CTNNA3: variants seen among roughly 807,000 people sequenced by gnomAD.
CTNNA3 encodes catenin alpha-3.
In CTNNA3, 76 loss-of-function variants were observed where a neutral mutation model predicts 95.7. The observed-to-expected ratio is 0.79, with a 90% CI of 0.66 to 0.96. The LOEUF is 0.96. Among genes scored for constraint, CTNNA3 ranks in the 40% least tolerant of loss-of-function variants. The probability of loss-of-function intolerance (pLI) is 0.00; values close to 1 mark genes in which losing one functional copy is unlikely to be tolerated. For missense variants in CTNNA3, 1,191 were observed against 1,089.8 expected (o/e 1.09, Z -1.31); for synonymous variants, 431 against 374.4 (o/e 1.15, Z -1.74).
intron 7 of CTNNA3, among the ~76,000 whole-genome samples, chr10:66,841,180 A>G (rs1349875955): frequency 6.6e-6 from 1 of 151,978 alleles, no homozygotes; most frequent in East Asian, 1.9e-4. Flanking sequence ...GGGCACCTCT[A>G]CTCTCCTAAG....
chr10:65,932,042 C>T lies in CTNNA3; in HGVS notation c.2401-11425G>A, dbSNP rs545953020. 3.3e-5 allele frequency among the ~76,000 whole-genome samples: 5 copies of T among 152,194 alleles called. No homozygotes were observed. In the South Asian group the frequency reaches 1.0e-3, roughly 32 times the overall value. ...AAGTTCTCAAGGTTACGTGGATGACCATGTAGGTGAGAGGGTGTGTGTAAG... is the reference window on the plus strand; with the variant it reads ...AAGTTCTCAAGGTTACGTGGATGACTATGTAGGTGAGAGGGTGTGTGTAAG... On this transcript the variant is annotated intron_variant, in intron 17 of 17. Coordinates refer to ENST00000433211, the MANE Select transcript of CTNNA3 (RefSeq NM_013266.4).
intron 7 of CTNNA3, among the ~76,000 whole-genome samples, chr10:66,860,147 C>A (rs1289363669): frequency 1.3e-5 from 2 of 150,324 alleles, no homozygotes; most frequent in Non-Finnish European, 3.0e-5. Context: ...GCACATGTAC[C>A]CTAAAACTTT....
At chr10:66,101,266 A>C (rs2133736570) in intron 14 of CTNNA3, among the ~76,000 whole-genome samples, 1 of 152,320 alleles carries the variant, frequency 6.6e-6, no homozygotes, top group East Asian at 1.9e-4. Flanking sequence ...TGGCTAGTAG[A>C]GGGCTGACAA....
At chr10:66,465,131 C>T (rs1454327448) in intron 11 of CTNNA3, among the ~76,000 whole-genome samples, 2 of 152,090 alleles carry the variant, frequency 1.3e-5, no homozygotes, top group East Asian at 1.9e-4. Flanking sequence ...CTGTTAGAAG[C>T]TAACAAAATG....
At chr10:66,957,236 G>A (rs181893219) in intron 7 of CTNNA3, among the ~76,000 whole-genome samples, 15 of 151,980 alleles carry the variant, frequency 9.9e-5, no homozygotes, top group Non-Finnish European at 1.3e-4. Flanking sequence ...TAAATCAAAA[G>A]AAGTGAGATG....
intron 14 of CTNNA3, among the ~76,000 whole-genome samples, chr10:66,071,943 T>C (rs1426467380): frequency 6.6e-6 from 1 of 152,202 alleles, no homozygotes; most frequent in East Asian, 1.9e-4. Context: ...ATAGATTTCA[T>C]TTACTAATTT....
chr10:67,517,930 T>C (rs1047762619), intron 5 of CTNNA3, among the ~76,000 whole-genome samples: 4 of 152,122 alleles, frequency 2.6e-5, no homozygotes, highest in African/African-American at 9.7e-5. Flanking sequence ...TTACAACCTA[T>C]TTAAGAAAAT....
chr10:66,000,265 C>T (rs2078744795), intron 15 of CTNNA3, among the ~76,000 whole-genome samples: 1 of 152,064 alleles, frequency 6.6e-6, no homozygotes, highest in Non-Finnish European at 1.5e-5. Flanking sequence ...CCTTGACTCT[C>T]TTTCCTATCC....
chr10:67,153,196 G>A lies in CTNNA3; in HGVS notation c.1047+27121C>T, dbSNP rs151218079. The stretch of plus-strand genomic sequence containing the variant: ...TCACCATATTGGCCAGGTTGGTCTC[G>A]AACTCCAGATCTCAGGTGATCCACC... On this transcript the variant is annotated intron_variant, in intron 7 of 17. Coordinates refer to ENST00000433211, the MANE Select transcript of CTNNA3 (RefSeq NM_013266.4). Among the ~76,000 whole-genome samples, 933 of 152,150 alleles carry A rather than the reference G, an allele frequency of 6.1e-3. 9 individuals carry two copies. The highest frequency in any genetic ancestry group is 0.021 in the African/African-American group (891 of 41,508).
chr10:66,117,732 A>C (rs1053257933), intron 13 of CTNNA3, among the ~76,000 whole-genome samples: 1 of 152,270 alleles, frequency 6.6e-6, no homozygotes, highest in African/African-American at 2.4e-5. Flanking sequence ...GAAATATCAA[A>C]GCAAGTTTCA....
In CTNNA3 at chr10:67,733,265, C is replaced by A. The variant is rs148380002; in HGVS notation, c.-2+30169G>T. 1.1e-3 allele frequency among the ~76,000 whole-genome samples: 166 copies of A among 152,248 alleles called. 2 individuals carry two copies. The highest frequency in any genetic ancestry group is 3.9e-3 in the African/African-American group (162 of 41,558). ...AAATGAAATGACCCACATAAATTTT[C>A]TTTGAAAAGTTGCTACTATTCTTCC... On this transcript the variant is annotated intron_variant, in intron 1 of 17. Transcript: ENST00000684154.
intron 9 of CTNNA3, among the ~76,000 whole-genome samples, chr10:66,678,800 T>C (rs1846959841): frequency 6.6e-6 from 1 of 152,082 alleles, no homozygotes; most frequent in Admixed American, 6.6e-5. Flanking sequence ...GTGTTCTAAT[T>C]AACTAAGGGG....
intron 7 of CTNNA3, among the ~76,000 whole-genome samples, chr10:66,932,579 G>A (rs1847464484): frequency 6.6e-6 from 1 of 152,014 alleles, no homozygotes; most frequent in Non-Finnish European, 1.5e-5. Flanking sequence ...AGAGGCAGTT[G>A]GGGGAAACAA....
intron 7 of CTNNA3, among the ~76,000 whole-genome samples, chr10:67,084,659 A>G (rs1056887193): frequency 6.6e-5 from 10 of 151,884 alleles, no homozygotes; most frequent in Non-Finnish European, 1.5e-5. Context: ...AGATACTTTG[A>G]TAACTTTTAT....
chr10:67,220,607 GA>G (rs1864609697), intron 5 of CTNNA3, among the ~76,000 whole-genome samples: 1 of 152,144 alleles, frequency 6.6e-6, no homozygotes, highest in Admixed American at 6.5e-5. Context: ...AGATTGACTT[GA>G]AAGGAAAAGC....
At chr10:66,298,307 T>G (rs2091811697) in intron 12 of CTNNA3, among the ~76,000 whole-genome samples, 1 of 152,188 alleles carries the variant, frequency 6.6e-6, no homozygotes, top group African/African-American at 2.4e-5. Flanking sequence ...TTGGAAGTAA[T>G]AAAGTTAGTA....
At chr10:66,489,509 G>A (rs1839845924) in intron 11 of CTNNA3, among the ~76,000 whole-genome samples, 6 of 152,004 alleles carry the variant, frequency 3.9e-5, no homozygotes, top group Admixed American at 3.9e-4. Context: ...ATAAAAACTA[G>A]TCACTATTTC....
chr10:67,742,979 A>G (rs1403800839), intron 1 of CTNNA3, among the ~76,000 whole-genome samples: 1 of 151,320 alleles, frequency 6.6e-6, no homozygotes, highest in African/African-American at 2.4e-5. Flanking sequence ...GAACAGACCA[A>G]TAACGGGGTC....
intron 10 of CTNNA3, among the ~76,000 whole-genome samples, chr10:66,562,900 CTCCTAT>C (rs1842596401): frequency 6.6e-6 from 1 of 152,078 alleles, no homozygotes; most frequent in Non-Finnish European, 1.5e-5. Flanking sequence ...CATAGCATAA[CTCCTAT>C]TAATGATCAC....
Sources: gnomAD v4.1 joint callset for allele counts (sites outside exome capture counted in the v4.1 genomes callset) on GRCh38, gnomAD v4.1.1 for gene constraint, MANE v1.5 for transcripts, NCBI Gene and HGNC (gene_info 2026-07-23, HGNC 2026-07-21) for gene names.